GRM5: variants seen among roughly 807,000 people sequenced by gnomAD.
GRM5 encodes metabotropic glutamate receptor 5.
Under a neutral mutation model 83.1 loss-of-function variants are expected in GRM5, and 19 were observed. The ratio of observed to expected loss-of-function variants is 0.23; its 90% CI spans 0.16 to 0.34. The LOEUF (loss-of-function observed/expected upper bound fraction) is 0.34. GRM5 is among the 10% of genes least tolerant of loss of function. The pLI, the probability that GRM5 is intolerant of heterozygous loss-of-function variation, is 1.00. For missense variants in GRM5, 1,160 were observed against 1,588.3 expected (o/e 0.73, Z 4.58); for synonymous variants, 675 against 633.6 (o/e 1.07, Z -0.98).
intron 2 of GRM5, among the ~76,000 whole-genome samples, chr11:88,934,052 C>T (rs1483544023): frequency 6.6e-6 from 1 of 151,456 alleles, no homozygotes; most frequent in Non-Finnish European, 1.5e-5. Flanking sequence ...GATTCAACAT[C>T]ATAAAAGTAA....
rs1347877926 is a variant in GRM5, at chr11:89,035,468, T to C, written c.661+11744A>G. On this transcript the variant is annotated intron_variant, in intron 2 of 9. Transcript: ENST00000305447. Reference sequence around the variant, plus strand: ...CTAGTGAAGGTCAAATATATGACAGTTGAAAAGAGGGTATATAACCAAGCA... The same window carrying C: ...CTAGTGAAGGTCAAATATATGACAGCTGAAAAGAGGGTATATAACCAAGCA... Among the ~76,000 whole-genome samples, 4 of 151,916 alleles carry C rather than the reference T, an allele frequency of 2.6e-5. No individual in the cohort carries two copies. In the East Asian group the frequency reaches 7.7e-4, roughly 29 times the overall value.
At chr11:88,775,905 CTG>C (rs139417582) in intron 3 of GRM5, among the ~76,000 whole-genome samples, 75,125 of 151,746 alleles carry the variant, frequency 0.5, 22,497 homozygotes, top group Non-Finnish European at 0.7. Flanking sequence ...GCTGAGAAGA[CTG>C]TGTATTCAGT....
chr11:88,829,874 C>T (rs1333208076), intron 3 of GRM5, among the ~76,000 whole-genome samples: 1 of 151,940 alleles, frequency 6.6e-6, no homozygotes, highest in African/African-American at 2.4e-5. Flanking sequence ...GCAAATTTAG[C>T]ATAATCAATA....
chr11:88,635,043 A>C (rs750115683), intron 4 of GRM5, among the ~76,000 whole-genome samples: 1 of 152,038 alleles, frequency 6.6e-6, no homozygotes, highest in Non-Finnish European at 1.5e-5. Context: ...GGATATAAAA[A>C]TTTTTCAGTA....
At chr11:88,905,013 C>T (rs188597365) in intron 2 of GRM5, among the ~76,000 whole-genome samples, 1 of 152,194 alleles carries the variant, frequency 6.6e-6, no homozygotes, top group Admixed American at 6.5e-5. Flanking sequence ...GATTATGCTG[C>T]CGAATTGTGA....
chr11:88,972,418 G>A (rs1460766357), intron 2 of GRM5, among the ~76,000 whole-genome samples: 1 of 152,098 alleles, frequency 6.6e-6, no homozygotes, highest in East Asian at 1.9e-4. Flanking sequence ...TTTGACTGTT[G>A]AGCCACTTTT....
intron 2 of GRM5, among the ~76,000 whole-genome samples, chr11:88,987,307 TA>T (rs1428168255): frequency 6.6e-6 from 1 of 152,054 alleles, no homozygotes; most frequent in African/African-American, 2.4e-5. Context: ...CCGACGGGCT[TA>T]AAAAACGGCA....
At chr11:88,934,979 A>T (rs1937845466) in intron 2 of GRM5, among the ~76,000 whole-genome samples, 1 of 151,916 alleles carries the variant, frequency 6.6e-6, no homozygotes, top group Non-Finnish European at 1.5e-5. Context: ...TCAATTGCCT[A>T]CTGTGGGCCT....
intron 2 of GRM5, among the ~76,000 whole-genome samples, chr11:88,904,653 A>C (rs1945373433): frequency 6.6e-6 from 1 of 152,226 alleles, no homozygotes; most frequent in African/African-American, 2.4e-5. Context: ...GTAAACCTAC[A>C]GATACAATGT....
At chr11:88,704,321 T>G (rs974318680) in intron 3 of GRM5, among the ~76,000 whole-genome samples, 28 of 152,136 alleles carry the variant, frequency 1.8e-4, no homozygotes, top group African/African-American at 6.3e-4. Flanking sequence ...GTGAAGGACC[T>G]TGCCCCAAGT....
In GRM5 at chr11:88,505,195, T is replaced by A. The variant is rs1281655205; in HGVS notation, c.*3397A>T. 2.6e-5 allele frequency: 4 copies of A among 152,196 alleles called. No individual in the cohort carries two copies. Among genetic ancestry groups the A allele is most frequent in the Non-Finnish European group, 5.9e-5 (4 of 68,022 alleles). The allele number at this position is 152,196 out of a possible 1,614,324, so 9.4% of individuals were successfully genotyped here. ...TGTATTTTTTCACAGTATAAAATTGTAAATGGTAACTATAGAGATTCTGAC... is the reference window on the plus strand; with the variant it reads ...TGTATTTTTTCACAGTATAAAATTGAAAATGGTAACTATAGAGATTCTGAC... On this transcript the variant is annotated 3_prime_UTR_variant, in exon 10 of 10. Coordinates refer to ENST00000305447, the MANE Select transcript of GRM5 (RefSeq NM_001143831.3).
intron 7 of GRM5, among the ~76,000 whole-genome samples, chr11:88,577,330 A>G (rs548457673): frequency 6.6e-6 from 1 of 152,132 alleles, no homozygotes; most frequent in African/African-American, 2.4e-5. Flanking sequence ...TATTACAGAA[A>G]GAAAATATGG....
At chr11:88,626,133 TAG>T (rs1259642208) in intron 4 of GRM5, among the ~76,000 whole-genome samples, 2 of 152,116 alleles carry the variant, frequency 1.3e-5, no homozygotes, top group East Asian at 3.9e-4. Flanking sequence ...ACACCAAATA[TAG>T]AGAGATTTAA....
At chr11:88,810,419 G>C (rs1943568670) in intron 3 of GRM5, among the ~76,000 whole-genome samples, 1 of 152,090 alleles carries the variant, frequency 6.6e-6, no homozygotes, top group East Asian at 1.9e-4. Context: ...ACAAACATCT[G>C]TAGCTACACA....
chr11:88,508,612 G>A lies in GRM5; in HGVS notation c.3619C>T (p.Gln1207Ter), dbSNP rs748552029. ...GACATTCACAACGACGAGGAGCTCT[G>A]AGTGTAATCTCTTATGATAAGAGTG... is the stretch of plus-strand genomic sequence containing the variant. ...YDTLIIRDYT[Q>*]SSSSL The change falls in exon 10 of 10, where the codon CAG (glutamine) becomes TAG (stop). Residue 1207 changes from glutamine (Q) to a stop codon, truncating the protein, a stop_gained. Transcript: ENST00000305447. LOFTEE classifies it high-confidence loss of function. The surrounding 1 kb of genome is among the most constrained non-coding windows in gnomAD (Gnocchi z 4.2). 1 of 1,609,174 alleles carries A rather than the reference G, an allele frequency of 6.2e-7. No homozygotes were observed.
At chr11:88,786,431 C>T (rs1943069618) in intron 3 of GRM5, among the ~76,000 whole-genome samples, 1 of 152,122 alleles carries the variant, frequency 6.6e-6, no homozygotes, top group South Asian at 2.1e-4. Context: ...CTGAAAGCTT[C>T]CAAAAGCCAA....
At chr11:88,998,409 G>A (rs558703741) in intron 2 of GRM5, among the ~76,000 whole-genome samples, 1 of 152,132 alleles carries the variant, frequency 6.6e-6, no homozygotes, top group South Asian at 2.1e-4. Context: ...CAGGAATATA[G>A]GAATAGAGAG....
chr11:88,992,735 G>T (rs1001667879), intron 2 of GRM5, among the ~76,000 whole-genome samples: 24 of 152,016 alleles, frequency 1.6e-4, no homozygotes, highest in Non-Finnish European at 2.1e-4. Flanking sequence ...GATGAAGCTG[G>T]AAACCATCAT....
intron 2 of GRM5, among the ~76,000 whole-genome samples, chr11:88,856,497 T>C (rs955697264): frequency 6.6e-6 from 1 of 152,090 alleles, no homozygotes; most frequent in Non-Finnish European, 1.5e-5. Context: ...TCTTCTGGAA[T>C]ACCTCCTGAA....
Sources: allele counts gnomAD v4.1 joint callset (sites outside exome capture counted in the v4.1 genomes callset), GRCh38; gene constraint gnomAD v4.1.1; non-coding constraint Gnocchi (gnomAD v3.1); transcripts MANE v1.5; gene names NCBI Gene and HGNC (gene_info 2026-07-23, HGNC 2026-07-21).